Variants in TBCK observed in about 807,000 individuals in gnomAD.
TBCK encodes the protein TBC1 domain containing kinase.
Under a neutral mutation model 113.4 loss-of-function variants are expected in TBCK, and 99 were observed. The ratio of observed to expected loss-of-function variants is 0.87; its 90% confidence interval spans 0.74 to 1.03. The LOEUF (loss-of-function observed/expected upper bound fraction) is 1.03. Ranked by LOEUF, TBCK falls within the 50% of genes least tolerant of loss-of-function variation. The pLI is 0.00. For synonymous variants in TBCK, 369 were observed against 370.8 expected (o/e 1.00, Z 0.05); for missense variants, 1,045 against 1,061.3 (o/e 0.98, Z 0.21).
chr4:106,126,346 G>A (rs1745209765), intron 23 of TBCK, among the ~76,000 whole-genome samples: 1 of 151,872 alleles, frequency 6.6e-6, no homozygotes, highest in Admixed American at 6.6e-5. Flanking sequence ...ATTTTCCTCA[G>A]GACCCAGTGT....
chr4:106,316,407 TG>T, upstream of TBCK: 1 of 758,246 alleles, frequency 1.3e-6, no homozygotes, highest in Non-Finnish European at 2.2e-6. Context: ...ACGAGGAGCG[TG>T]GTATGGCAGG....
Position 106,301,552 on chromosome 4 carries a change from T to C in TBCK, c.194-6386A>G, listed in dbSNP as rs1175403884. On this transcript the variant is annotated intron_variant, in intron 2 of 25. Transcript: ENST00000394708. The stretch of plus-strand genomic sequence containing the variant: ...TGAAACTCTAATAAAATGTTTGCCA[T>C]TCCTGAGATTAAAAACTTCATCCTG... 2.6e-5 allele frequency among the ~76,000 whole-genome samples: 4 copies of C among 152,330 alleles called. No individual in the cohort carries two copies. The South Asian group carries it at 8.3e-4, about 32-fold the overall frequency.
rs1745422739 is a variant in TBCK, at chr4:106,127,892, G to A, written c.2236-11514C>T. Among the ~76,000 whole-genome samples the A allele has an allele frequency of 2.6e-5, 4 of 152,114 alleles. No homozygotes were observed. In the South Asian group the frequency reaches 8.3e-4, roughly 32 times the overall value. On this transcript the variant is annotated intron_variant, in intron 23 of 25. Coordinates refer to ENST00000394708, the MANE Select transcript of TBCK (RefSeq NM_001163435.3). ...CAAAAAAAATTGAAAAAGTGCCCCA[G>A]GCCATTTTATTTATGAAGCTGCCTT...
At chr4:106,093,399 C>T (rs1005621244) in intron 25 of TBCK, among the ~76,000 whole-genome samples, 4 of 151,888 alleles carry the variant, frequency 2.6e-5, no homozygotes, top group Non-Finnish European at 5.9e-5. Context: ...GCCAGCTACT[C>T]GGGAGGCTGA....
intron 20 of TBCK, among the ~76,000 whole-genome samples, chr4:106,199,952 T>G (rs1376598807): frequency 6.6e-6 from 1 of 152,192 alleles, no homozygotes; most frequent in East Asian, 1.9e-4. Context: ...ACATCACTCC[T>G]CTGCTCAAAA....
chr4:106,294,572 C>T (rs372571605), intron 3 of TBCK, among the ~76,000 whole-genome samples: 2 of 152,042 alleles, frequency 1.3e-5, no homozygotes, highest in East Asian at 3.9e-4. Flanking sequence ...AGCTCCGCCT[C>T]CTGGGTTCAC....
intron 1 of TBCK, among the ~76,000 whole-genome samples, chr4:106,309,286 T>C (rs939626479): frequency 1.3e-5 from 2 of 151,370 alleles, no homozygotes; most frequent in African/African-American, 4.8e-5. Context: ...CATCTTCATA[T>C]TATTAATAAG....
intron 2 of TBCK, among the ~76,000 whole-genome samples, chr4:106,303,461 G>T (rs1767168646): frequency 6.6e-6 from 1 of 151,846 alleles, no homozygotes; most frequent in Admixed American, 6.6e-5. Context: ...AATTTGAAGG[G>T]GTTCACAGAC....
chr4:106,223,269 C>A (rs1757901702), intron 19 of TBCK, among the ~76,000 whole-genome samples: 1 of 152,108 alleles, frequency 6.6e-6, no homozygotes, highest in South Asian at 2.1e-4. Flanking sequence ...ATTGCATATT[C>A]TCTCGCTCTC....
At chr4:106,245,770 G>C (rs1322568897) in intron 10 of TBCK, among the ~76,000 whole-genome samples, 1 of 152,042 alleles carries the variant, frequency 6.6e-6, no homozygotes, top group African/African-American at 2.4e-5. Context: ...CAAAATTCTA[G>C]ACCATTTTCT....
intron 19 of TBCK, among the ~76,000 whole-genome samples, chr4:106,223,422 C>G (rs1757919459): frequency 6.6e-6 from 1 of 152,102 alleles, no homozygotes; most frequent in Non-Finnish European, 1.5e-5. Flanking sequence ...TCCTAGTTTG[C>G]CTGAGAGAGT....
In TBCK at chr4:106,151,727, G is replaced by A. The variant is rs925295302; in HGVS notation, c.2235+19368C>T. ...TTAATTTTTTCAACCCATGAACATG[G>A]AATCTCTTTCCTTTTTTTGTATCCT... is the stretch of plus-strand genomic sequence containing the variant. On this transcript the variant is annotated intron_variant, in intron 23 of 25. Transcript: ENST00000394708. Among the ~76,000 whole-genome samples, 9 of 152,034 alleles carry A rather than the reference G, an allele frequency of 5.9e-5. 1 individual carries two copies. The highest frequency in any genetic ancestry group is 5.2e-4 in the Admixed American group (8 of 15,258).
At chr4:106,179,919 A>G (rs1292956137) in intron 22 of TBCK, among the ~76,000 whole-genome samples, 1 of 152,082 alleles carries the variant, frequency 6.6e-6, no homozygotes, top group Non-Finnish European at 1.5e-5. Flanking sequence ...CTGATGCTCC[A>G]GAGTTGGTTG....
At chr4:106,216,376 C>T (rs1384772018) in intron 19 of TBCK, among the ~76,000 whole-genome samples, 2 of 151,948 alleles carry the variant, frequency 1.3e-5, no homozygotes, top group African/African-American at 2.4e-5. Context: ...CAGAGCAGAA[C>T]TGAAGGAAAT....
At chr4:106,127,867 CA>C (rs918540115) in intron 23 of TBCK, among the ~76,000 whole-genome samples, 1 of 151,240 alleles carries the variant, frequency 6.6e-6, no homozygotes. Flanking sequence ...TGCTCAAAGG[CA>C]AAAAAAATTG....
chr4:106,258,701 T>G (rs1294846217), intron 5 of TBCK, among the ~76,000 whole-genome samples: 1 of 151,996 alleles, frequency 6.6e-6, no homozygotes, highest in East Asian at 1.9e-4. Flanking sequence ...TTGGATTTCT[T>G]TCTTACACAA....
intron 5 of TBCK, among the ~76,000 whole-genome samples, chr4:106,256,409 G>A (rs1225858578): frequency 6.6e-6 from 1 of 152,206 alleles, no homozygotes; most frequent in East Asian, 1.9e-4. Context: ...AGGGAGTCAA[G>A]GCAGCAGGGG....
intron 12 of TBCK, among the ~76,000 whole-genome samples, chr4:106,239,847 G>T (rs1037088253): frequency 2.0e-5 from 3 of 148,778 alleles, no homozygotes; most frequent in African/African-American, 7.4e-5. Flanking sequence ...TCAGAAAATA[G>T]AAAAAAAAAG....
chr4:106,248,732 G>T (rs1761104586), intron 8 of TBCK, among the ~76,000 whole-genome samples, 189 bp downstream of exon 8: 1 of 152,190 alleles, frequency 6.6e-6, no homozygotes, highest in Admixed American at 6.6e-5. Flanking sequence ...CTTCTGCCTT[G>T]TAAGGACAGT....
Sources: gnomAD v4.1 joint callset for allele counts (sites outside exome capture counted in the v4.1 genomes callset) on GRCh38, gnomAD v4.1.1 for gene constraint, MANE v1.5 for transcripts, NCBI Gene and HGNC (gene_info 2026-07-23, HGNC 2026-07-21) for gene names.